NAALADL2: variants seen among roughly 807,000 people sequenced by gnomAD.
The protein encoded by NAALADL2 is N-acetylated alpha-linked acidic dipeptidase like 2, also known as inactive N-acetylated-alpha-linked acidic dipeptidase-like protein 2.
NAALADL2 carries 76 observed loss-of-function variants against 87.2 expected under a neutral mutation model. The ratio of observed to expected loss-of-function variants is 0.87; its 90% CI spans 0.72 to 1.05. The LOEUF is 1.05. NAALADL2 is among the 50% of genes least tolerant of loss of function. NAALADL2 has a pLI of 0.00. For synonymous variants in NAALADL2, 354 were observed against 331.0 expected (o/e 1.07, Z -0.75); for missense variants, 1,089 against 945.8 (o/e 1.15, Z -1.99).
intron 3 of NAALADL2, among the ~76,000 whole-genome samples, chr3:174,789,252 C>A (rs1303514473): frequency 6.6e-6 from 1 of 152,116 alleles, no homozygotes; most frequent in Non-Finnish European, 1.5e-5. Flanking sequence ...GCTGGAGTCA[C>A]CACCTATTGT....
chr3:175,524,524 A>G (rs1582249126), intron 9 of NAALADL2, among the ~76,000 whole-genome samples: 1 of 152,166 alleles, frequency 6.6e-6, no homozygotes, highest in Non-Finnish European at 1.5e-5. Flanking sequence ...AAATGCTAAC[A>G]TCTAAGTAGT....
In NAALADL2 at chr3:175,415,009, G is replaced by A. The variant is rs190940163; in HGVS notation, c.1091-32220G>A. 1.4e-3 allele frequency among the ~76,000 whole-genome samples: 212 copies of A among 152,162 alleles called. 2 individuals are homozygous for A. The highest frequency in any genetic ancestry group is 3.9e-3 in the Admixed American group (60 of 15,282). ...CTTTTAAGTAGAAAAATTGTCTTACGGGATTATCACTGTAAAATAAACTTT... is the reference window on the plus strand; with the variant it reads ...CTTTTAAGTAGAAAAATTGTCTTACAGGATTATCACTGTAAAATAAACTTT... On this transcript the variant is annotated intron_variant, in intron 5 of 13. Coordinates refer to ENST00000454872, the MANE Select transcript of NAALADL2 (RefSeq NM_207015.3).
chr3:174,857,062 G>C (rs1021869402), upstream of NAALADL2, among the ~76,000 whole-genome samples: 1 of 152,108 alleles, frequency 6.6e-6, no homozygotes, highest in African/African-American at 2.4e-5. Context: ...ATGGTGAAAT[G>C]AAAAGTTTAG....
chr3:175,605,540 T>A (rs1723576427), intron 10 of NAALADL2, among the ~76,000 whole-genome samples: 1 of 152,046 alleles, frequency 6.6e-6, no homozygotes, highest in Non-Finnish European at 1.5e-5. Flanking sequence ...AAGATAGGCT[T>A]ATTTGCCTCC....
intron 5 of NAALADL2, among the ~76,000 whole-genome samples, chr3:175,362,614 G>T (rs1285347911): frequency 2.0e-5 from 3 of 147,914 alleles, no homozygotes; most frequent in African/African-American, 7.4e-5. Flanking sequence ...CCATATTTTT[G>T]CAATTGCAAA....
At chr3:174,911,443 T>C (rs1218306040) in intron 1 of NAALADL2, among the ~76,000 whole-genome samples, 1 of 152,086 alleles carries the variant, frequency 6.6e-6, no homozygotes, top group East Asian at 1.9e-4. Flanking sequence ...GCACTCGACA[T>C]TGGCATGAGG....
chr3:174,952,093 G>T (rs976172708), intron 1 of NAALADL2, among the ~76,000 whole-genome samples: 5 of 151,974 alleles, frequency 3.3e-5, no homozygotes, highest in African/African-American at 1.2e-4. Flanking sequence ...AATTTTATTT[G>T]CTACATACTA....
intron 10 of NAALADL2, among the ~76,000 whole-genome samples, chr3:175,619,697 G>A (rs891645714): frequency 3.3e-5 from 5 of 151,828 alleles, no homozygotes; most frequent in Admixed American, 2.0e-4. Flanking sequence ...GGTTTGCAAC[G>A]ACACCCTTAA....
At chr3:175,414,776 A>G (rs958343731) in intron 5 of NAALADL2, among the ~76,000 whole-genome samples, 3 of 123,306 alleles carry the variant, frequency 2.4e-5, no homozygotes, top group East Asian at 4.8e-4. Context: ...TCCAAGTCCA[A>G]ATTGGTTAAG....
At chr3:175,788,815 ATAAT>A (rs751902841) in intron 13 of NAALADL2, among the ~76,000 whole-genome samples, 2 of 152,232 alleles carry the variant, frequency 1.3e-5, no homozygotes, top group Non-Finnish European at 2.9e-5. Flanking sequence ...ATTATCAAAC[ATAAT>A]TATTTATGGA....
At chr3:175,222,997 T>C (rs1743603811) in intron 2 of NAALADL2, among the ~76,000 whole-genome samples, 1 of 152,068 alleles carries the variant, frequency 6.6e-6, no homozygotes, top group Non-Finnish European at 1.5e-5. Context: ...AAATTGCATG[T>C]ATTTAGGGTA....
At chr3:174,890,824 A>G (rs1351231970) in intron 1 of NAALADL2, among the ~76,000 whole-genome samples, 1 of 152,222 alleles carries the variant, frequency 6.6e-6, no homozygotes, top group Non-Finnish European at 1.5e-5. Context: ...AATATAAGAT[A>G]GGAAAATCAT....
At chr3:175,425,105 AATG>A (rs1269704294) in intron 5 of NAALADL2, among the ~76,000 whole-genome samples, 1 of 152,186 alleles carries the variant, frequency 6.6e-6, no homozygotes, top group African/African-American at 2.4e-5. Context: ...TCACAGATCA[AATG>A]ATGATATGGA....
At chr3:174,817,380 T>C (rs1280051156) in intron 3 of NAALADL2, among the ~76,000 whole-genome samples, 3 of 152,118 alleles carry the variant, frequency 2.0e-5, no homozygotes, top group Admixed American at 6.5e-5. Context: ...CGTGGGAGGA[T>C]TGCTTGAAGT....
chr3:175,167,489 T>TTTC (rs1487732180), intron 2 of NAALADL2, among the ~76,000 whole-genome samples: 1 of 152,096 alleles, frequency 6.6e-6, no homozygotes, highest in African/African-American at 2.4e-5. Flanking sequence ...CTCCTTTAAG[T>TTTC]TTCTTAAGCG....
chr3:174,801,188 T>C (rs1718788229), intron 3 of NAALADL2, among the ~76,000 whole-genome samples: 1 of 152,166 alleles, frequency 6.6e-6, no homozygotes, highest in Non-Finnish European at 1.5e-5. Context: ...TTATATGGTT[T>C]GACTGTGTCC....
intron 2 of NAALADL2, among the ~76,000 whole-genome samples, chr3:174,627,222 A>G (rs1256139924): frequency 6.6e-6 from 1 of 152,208 alleles, no homozygotes; most frequent in Admixed American, 6.5e-5. Flanking sequence ...GTTCTCCTAA[A>G]TAATATTCTT....
chr3:174,815,869 G>A (rs1364202434), intron 3 of NAALADL2, among the ~76,000 whole-genome samples: 2 of 100,862 alleles, frequency 2.0e-5, no homozygotes, highest in Non-Finnish European at 4.2e-5. Context: ...AGTTTCCTTT[G>A]GTAGAAGTGT....
intron 5 of NAALADL2, among the ~76,000 whole-genome samples, chr3:175,381,682 A>G (rs776060188): frequency 1.3e-5 from 2 of 152,200 alleles, no homozygotes; most frequent in Non-Finnish European, 2.9e-5. Flanking sequence ...AAAAAAATTA[A>G]TGATTTGGCT....
Sources: gnomAD v4.1 joint callset for allele counts (sites outside exome capture counted in the v4.1 genomes callset) on GRCh38, gnomAD v4.1.1 for gene constraint, MANE v1.5 for transcripts, NCBI Gene and HGNC (gene_info 2026-07-23, HGNC 2026-07-21) for gene names.